ZNF791: variants seen among roughly 807,000 people sequenced by gnomAD.
ZNF791 encodes the protein zinc finger protein 791.
A neutral mutation model predicts 11.5 loss-of-function variants in ZNF791; 4 were observed. The observed-to-expected ratio is 0.35, with a 90% CI of 0.17 to 0.80. The LOEUF (loss-of-function observed/expected upper bound fraction) is 0.80, where lower values mean the gene tolerates loss of function less well. Among genes scored for constraint, ZNF791 ranks in the 30% least tolerant of loss-of-function variants. ZNF791 has a pLI of 0.53. For synonymous variants in ZNF791, 212 were observed against 228.1 expected, an observed-to-expected ratio of 0.93 and a Z score of 0.64; for missense variants, 559 against 699.4, an observed-to-expected ratio of 0.80 and a Z score of 2.26.
chr19:12,621,027 C>T (rs1036366748), intron 1 of ZNF791, among the ~76,000 whole-genome samples: 17 of 152,072 alleles, frequency 1.1e-4, no homozygotes, highest in African/African-American at 4.1e-4. Flanking sequence ...TCCCACAGTG[C>T]TGGGATTACA....
intron 1 of ZNF791, among the ~76,000 whole-genome samples, chr19:12,611,559 G>C (rs1221900070): frequency 1.3e-5 from 2 of 152,112 alleles, no homozygotes; most frequent in African/African-American, 4.8e-5. Context: ...GGAAAACATC[G>C]TCACCAACTC....
At chr19:12,618,503 C>T (rs7247050) in intron 1 of ZNF791, among the ~76,000 whole-genome samples, 97,874 of 151,480 alleles carry the variant, frequency 0.65, 32,611 homozygotes, top group African/African-American at 0.7. Context: ...AATGAGACCC[C>T]GTCTCAAAAA....
intron 1 of ZNF791, among the ~76,000 whole-genome samples, chr19:12,620,754 CTTTTT>C (rs1051381342): frequency 0.034 from 2,831 of 83,418 alleles, 50 homozygotes; most frequent in Middle Eastern, 0.093. Context: ...GATTTATGTT[CTTTTT>C]TTTTTTTTTT....
chr19:12,629,111 G>C lies in ZNF791; in HGVS notation c.1582G>C (p.Glu528Gln), dbSNP rs1433587193. The change falls in exon 4 of 4, where the codon GAA (glutamate) becomes CAA (glutamine). Residue 528 changes from glutamate (E) to glutamine (Q), a missense_variant. Coordinates refer to ENST00000343325, the MANE Select transcript of ZNF791 (RefSeq NM_153358.3). ...HTGEKPYKCK[E>Q]CGKAFSLHSS... ...TGGAGAGAAACCCTATAAATGTAAA[G>C]AATGTGGGAAGGCCTTTAGTCTTCA... 4 of 1,605,000 alleles carry C rather than the reference G, an allele frequency of 2.5e-6. No individual in the cohort carries two copies. Among genetic ancestry groups the C allele is most frequent in the Non-Finnish European group, 2.6e-6 (3 of 1,176,454 alleles).
chr19:12,611,014 G>C lies in ZNF791; in HGVS notation c.-66G>C, dbSNP rs1427585005. On this transcript the variant is annotated 5_prime_UTR_variant, in exon 1 of 4. The change abolishes an upstream ATG in the 5' untranslated region. Coordinates refer to ENST00000343325, the MANE Select transcript of ZNF791 (RefSeq NM_153358.3). ...AGGTTGCTGTACCCCTGCATCGGAT[G>C]CGCTGTACCCTGCGCTGGCTCCGTG... is the stretch of plus-strand genomic sequence containing the variant. The C allele has an allele frequency of 5.0e-6, 8 of 1,611,932 alleles. No individual in the cohort carries two copies. Among genetic ancestry groups the C allele is most frequent in the Admixed American group, 1.7e-5 (1 of 59,940 alleles).
intron 1 of ZNF791, among the ~76,000 whole-genome samples, chr19:12,621,918 G>A (rs2023355624): frequency 1.8e-5 from 2 of 109,362 alleles, no homozygotes; most frequent in African/African-American, 7.2e-5. Context: ...TAGAAAGGCG[G>A]GAAAAGTGGG....
rs769285946 is a variant in ZNF791, at chr19:12,631,453, A to AAGG, written c.*2194_*2196dup. 4.6e-5 allele frequency: 7 copies of AAGG among 152,216 alleles called. No individual in the cohort carries two copies. The highest frequency in any genetic ancestry group is 7.3e-5 in the Non-Finnish European group (5 of 68,046). The allele number at this position is 152,216 out of a possible 1,614,324, so 9.4% of individuals were successfully genotyped here. A position where few individuals can be genotyped will look rare whatever the true frequency, so the allele number is the denominator to read the frequency against. ...TCACACACGATATAAAAGTTAAGGC[A>AAGG]AGGCATGGTGGCTCATGCCTGTAAT... On this transcript the variant is annotated 3_prime_UTR_variant, in exon 4 of 4. Coordinates refer to ENST00000343325, the MANE Select transcript of ZNF791 (RefSeq NM_153358.3).
chr19:12,628,519 T>TAA lies in ZNF791; in HGVS notation c.992_993dup (p.Glu332LysfsTer17). 6.2e-7 allele frequency: 1 copy of TAA among 1,608,370 alleles called. No individual in the cohort carries two copies. On this transcript the variant is annotated frameshift_variant, in exon 4 of 4. Coordinates refer to ENST00000343325, the MANE Select transcript of ZNF791 (RefSeq NM_153358.3). LOFTEE classifies it low-confidence loss of function (END_TRUNC). ...ATACTGGAGAGAAGCCCTATAAATG[T>TAA]AAAGAATGTGGGAAATCTTTCAGTG...
At position 12,612,208 on chromosome 19, in the gene ZNF791, T is replaced by TC. The variant is rs977630627; in HGVS notation, c.3+1126_3+1127insC. ...TAATTAACTGACATTATTATTTTCT[T>TC]TTTTTTTTTTTTAACAGATGGGGTC... On this transcript the variant is annotated intron_variant, in intron 1 of 3. Coordinates refer to ENST00000343325, the MANE Select transcript of ZNF791 (RefSeq NM_153358.3). 1,930 of 639,782 alleles carry TC rather than the reference T, an allele frequency of 3.0e-3. 3 individuals are homozygous for TC. Among genetic ancestry groups the TC allele is most frequent in the Middle Eastern group, 0.026 (32 of 1,214 alleles). 39.6% of individuals were successfully genotyped at this position (639,782 alleles called of 1,614,324 possible).
At position 12,630,126 on chromosome 19, in the gene ZNF791, G is replaced by T. The variant is rs1012847513; in HGVS notation, c.*866G>T. On this transcript the variant is annotated 3_prime_UTR_variant, in exon 4 of 4. Transcript: ENST00000343325. ...AGTGAACCAAGATCACGTGATGGCA[G>T]TCCAGCATGGGTGACAGTGAGACTG... The T allele has an allele frequency of 6.7e-6, 1 of 148,514 alleles. No homozygotes were observed. Among genetic ancestry groups the T allele is most frequent in the Non-Finnish European group, 1.5e-5 (1 of 67,718 alleles). The allele number at this position is 148,514 out of a possible 1,614,324, so 9.2% of individuals were successfully genotyped here. A position where few individuals can be genotyped will look rare whatever the true frequency, so the allele number is the denominator to read the frequency against.
intron 1 of ZNF791, among the ~76,000 whole-genome samples, chr19:12,614,225 A>C (rs1378001779): frequency 6.6e-6 from 1 of 151,960 alleles, no homozygotes; most frequent in African/African-American, 2.4e-5. Flanking sequence ...TCTAGGGGTT[A>C]CATTTTTCTT....
At chr19:12,614,982 C>T (rs1317205097) in intron 1 of ZNF791, among the ~76,000 whole-genome samples, 3 of 129,830 alleles carry the variant, frequency 2.3e-5, no homozygotes, top group Non-Finnish European at 1.6e-5. Context: ...GGCCTCAGGC[C>T]GTCCTCCCAC....
Position 12,627,872 on chromosome 19 carries a change from C to T in ZNF791, c.343C>T (p.Leu115Phe). 2 of 1,614,132 alleles carry T rather than the reference C, an allele frequency of 1.2e-6. No homozygotes were observed. Among genetic ancestry groups the T allele is most frequent in the Non-Finnish European group, 1.7e-6 (2 of 1,180,034 alleles). The change falls in exon 4 of 4, where the codon CTT becomes TTT. Residue 115 changes from leucine to phenylalanine, a missense_variant. Coordinates refer to ENST00000343325, the MANE Select transcript of ZNF791 (RefSeq NM_153358.3). ...AAAAGCCTTCATGCGTCTCTCATCC[C>T]TTACTAGACACATGAGGTCTCACAC... ...CGKAFMRLSSLTRHMRSHTGY... is the reference protein window; with the variant it reads ...CGKAFMRLSSFTRHMRSHTGY...
At position 12,630,523 on chromosome 19, in the gene ZNF791, A is replaced by C. The variant is rs1452412135; in HGVS notation, c.*1263A>C. 1.3e-5 allele frequency: 2 copies of C among 152,162 alleles called. No homozygotes were observed. The highest frequency in any genetic ancestry group is 4.8e-5 in the African/African-American group (2 of 41,450). The allele number at this position is 152,162 out of a possible 1,614,324, so 9.4% of individuals were successfully genotyped here. ...TAATAAATGGCTAAGTTACTGGTTT[A>C]TATATTTACAATCCTGTTTTAGAAT... On this transcript the variant is annotated 3_prime_UTR_variant, in exon 4 of 4. Coordinates refer to ENST00000343325, the MANE Select transcript of ZNF791 (RefSeq NM_153358.3).
chr19:12,614,702 C>A (rs1362616191), intron 1 of ZNF791, among the ~76,000 whole-genome samples: 1 of 150,410 alleles, frequency 6.6e-6, no homozygotes, highest in African/African-American at 2.4e-5. Context: ...TCAAGCGATT[C>A]TTCTGCCTCA....
At chr19:12,625,103 AATTT>A (rs774337930) in intron 3 of ZNF791, among the ~76,000 whole-genome samples, 2 of 151,158 alleles carry the variant, frequency 1.3e-5, no homozygotes, top group African/African-American at 4.9e-5. Flanking sequence ...CTTAGCTCCA[AATTT>A]ATTTATTTAT....
intron 1 of ZNF791, among the ~76,000 whole-genome samples, chr19:12,614,735 C>T (rs1169647326): frequency 6.6e-6 from 1 of 151,672 alleles, no homozygotes; most frequent in Non-Finnish European, 1.5e-5. Context: ...GCTGGGATTA[C>T]AGGCGTGCGC....
At chr19:12,620,448 T>C (rs1163035294) in intron 1 of ZNF791, among the ~76,000 whole-genome samples, 1 of 152,108 alleles carries the variant, frequency 6.6e-6, no homozygotes, top group East Asian at 1.9e-4. Flanking sequence ...AGTGCTGGGA[T>C]TATAGGCATG....
rs761895024 is a variant in ZNF791 at position 12,630,155 on chromosome 19, C to CAAAA, written c.*910_*913dup. On this transcript the variant is annotated 3_prime_UTR_variant, in exon 4 of 4. Transcript: ENST00000343325. ...AGCATGGGTGACAGTGAGACTGTAT[C>CAAAA]AAAAAAAAAAAAAAAAAATTGGCTG... 0.016 allele frequency: 1,871 copies of CAAAA among 118,298 alleles called. 33 individuals carry two copies. The highest frequency in any genetic ancestry group is 0.023 in the Non-Finnish European group (1,312 of 56,244). 7.3% of individuals were successfully genotyped at this position (118,298 alleles called of 1,614,324 possible).
Sources: gnomAD v4.1 joint callset for allele counts (sites outside exome capture counted in the v4.1 genomes callset) on GRCh38, gnomAD v4.1.1 for gene constraint, MANE v1.5 for transcripts, NCBI Gene and HGNC (gene_info 2026-07-23, HGNC 2026-07-21) for gene names.